CD177: variants seen among roughly 807,000 people sequenced by gnomAD.
CD177 encodes the protein CD177 molecule, also known as CD177 antigen.
Under a neutral mutation model 38.1 loss-of-function variants are expected in CD177, and 41 were observed. The observed-to-expected ratio is 1.07, with a 90% CI of 0.84 to 1.39. CD177 has a LOEUF of 1.39. Among genes scored for constraint, CD177 ranks in the 40% most tolerant of loss-of-function variants. The pLI, the probability that CD177 is intolerant of heterozygous loss-of-function variation, is 0.00. For synonymous variants in CD177, 236 were observed against 216.7 expected, an observed-to-expected ratio of 1.09 and a Z score of -0.78; for missense variants, 619 against 523.8, an observed-to-expected ratio of 1.18 and a Z score of -1.77.
rs576915199 is a variant in CD177 at position 43,361,460 on chromosome 19, G to A, written c.962G>A (p.Gly321Glu). The A allele has an allele frequency of 7.1e-5, 113 of 1,584,142 alleles. 2 individuals carry two copies. The Admixed American group carries it at 8.9e-4, about 12-fold the overall frequency. The change falls in exon 8 of 9, where the codon GGA (glycine) becomes GAA (glutamate). Residue 321 changes from glycine (G) to glutamate (E), a missense_variant. Coordinates refer to ENST00000618265, the MANE Select transcript of CD177 (RefSeq NM_020406.4). The part of the protein sequence containing the change: ...SLPPQAAPVP[G>E]DRQCPTCVQP... ...TGCTCCCCAGCTGCCCCTGTCCCAG[G>A]AGACCGGCAGTGTCCTACCTGTGTG...
rs1256847445 is a variant in CD177 at position 43,354,391 on chromosome 19, AGGTGCCTGCGGGAG to A, written c.379+3_379+16del. On this transcript the variant is annotated splice_donor_variant and splice_donor_5th_base_variant and coding_sequence_variant and intron_variant, in exon 3 of 9. Coordinates refer to ENST00000618265, the MANE Select transcript of CD177 (RefSeq NM_020406.4). LOFTEE classifies it high-confidence loss of function. ...CGCTTTGGGCCCCACAGCCCCCAGC[AGGTGCCTGCGGGAG>A]GGTCGGGAGGAGAGGGAGGGGCTGC... is the stretch of plus-strand genomic sequence containing the variant. The A allele has an allele frequency of 3.1e-6, 5 of 1,613,808 alleles. No individual in the cohort carries two copies. The highest frequency in any genetic ancestry group is 4.2e-6 in the Non-Finnish European group (5 of 1,179,858).
rs564609079 is a variant in CD177, at chr19:43,354,325, C to T, written c.312C>T (p.Cys104=). ...CCCTGATCTCCTACACCTTCGTGTGCCGCCAGGAGGACTTCTGCAACAACC... is the reference window on the plus strand; with the variant it reads ...CCCTGATCTCCTACACCTTCGTGTGTCGCCAGGAGGACTTCTGCAACAACC... The part of the protein sequence containing the change: ...GLSLISYTFV[C]RQEDFCNNLV... Residue 104 remains cysteine, a synonymous_variant, in exon 3 of 9, where the codon TGC becomes TGT. Transcript: ENST00000618265. The T allele has an allele frequency of 1.8e-4, 287 of 1,613,950 alleles. 1 individual carries two copies. The highest frequency in any genetic ancestry group is 7.7e-4 in the South Asian group (70 of 91,078).
At chr19:43,361,879 CTGGGTCTGAGGTAGGAGGGACT>C (rs1969973426) in intron 8 of CD177, among the ~76,000 whole-genome samples, 187 bp from the exon 9 acceptor site, 1 of 130,068 alleles carries the variant, frequency 7.7e-6, no homozygotes, top group Non-Finnish European at 1.6e-5. Flanking sequence ...CTCTGGACTC[CTGGGTCTGAGGTAGGAGGGACT>C]GGGGGCCTGG....
In CD177 at chr19:43,361,275, TGTGCAATA is replaced by T. The variant is rs1969959197; in HGVS notation, c.898_905del (p.Asn300GlnfsTer51). On this transcript the variant is annotated frameshift_variant, in exon 7 of 9. Coordinates refer to ENST00000618265, the MANE Select transcript of CD177 (RefSeq NM_020406.4). LOFTEE classifies it high-confidence loss of function. ...TATACCCACTTCTGCTCCTCGGACC[TGTGCAATA>T]GTGCCAGCAGCAGCAGCGTTCTGCT... 1 of 1,547,738 alleles carries T rather than the reference TGTGCAATA, an allele frequency of 6.5e-7. No individual in the cohort carries two copies. The highest frequency in any genetic ancestry group is 1.7e-5 in the Admixed American group (1 of 58,182).
Position 43,362,078 on chromosome 19 carries a change from C to G in CD177, c.1082-10C>G. On this transcript the variant is annotated splice_polypyrimidine_tract_variant and intron_variant, in intron 8 of 8. Coordinates refer to ENST00000618265, the MANE Select transcript of CD177 (RefSeq NM_020406.4). ...TCTGTGTCCTTTCTGACTTGGTCTTCTCCCTCTAGGTGGGCTGTCCACCAA... is the reference window on the plus strand; with the variant it reads ...TCTGTGTCCTTTCTGACTTGGTCTTGTCCCTCTAGGTGGGCTGTCCACCAA... The G allele has an allele frequency of 1.2e-6, 2 of 1,612,296 alleles. No homozygotes were observed. Among genetic ancestry groups the G allele is most frequent in the Non-Finnish European group, 1.7e-6 (2 of 1,178,620 alleles).
chr19:43,360,211 G>T (rs1271044181), intron 5 of CD177, 54 bp from the exon 6 acceptor site: 3 of 1,592,724 alleles, frequency 1.9e-6, no homozygotes, highest in Non-Finnish European at 2.6e-6. Flanking sequence ...GGACGTGGAG[G>T]GACAGACATG....
intron 8 of CD177, 89 bp from the exon 9 acceptor site, chr19:43,361,999 G>A: frequency 8.9e-7 from 1 of 1,129,906 alleles, no homozygotes; most frequent in South Asian, 1.4e-5. Context: ...CTCGGTCTGA[G>A]GGAGGAGGGT....
intron 8 of CD177, 31 bp from the exon 9 acceptor site, chr19:43,362,057 T>C (rs1315881329): frequency 6.3e-7 from 1 of 1,594,670 alleles, no homozygotes; most frequent in East Asian, 2.2e-5. Context: ...CTGTACTCTG[T>C]GTCCTTTCTG....
At chr19:43,354,496 C>G in intron 3 of CD177, 104 bp downstream of exon 3, 4 of 1,229,708 alleles carry the variant, frequency 3.3e-6, no homozygotes, top group Non-Finnish European at 4.6e-6. Context: ...CTCGCTATCC[C>G]GACCCTCGCT....
chr19:43,354,439 G>GATCC, intron 3 of CD177, 47 bp downstream of exon 3: 1 of 1,594,410 alleles, frequency 6.3e-7, no homozygotes, highest in East Asian at 2.2e-5. Flanking sequence ...GCTAGAAGGG[G>GATCC]ATCCGCTGAG....
At chr19:43,360,427 A>T in intron 6 of CD177, 22 bp downstream of exon 6, 7 of 1,570,944 alleles carry the variant, frequency 4.5e-6, no homozygotes, top group Non-Finnish European at 5.2e-6. Context: ...GAGGTAGAAG[A>T]CGAACACCTG....
downstream of CD177, among the ~76,000 whole-genome samples, chr19:43,364,128 TC>T (rs1970010214): frequency 6.6e-6 from 1 of 152,108 alleles, no homozygotes. Flanking sequence ...GACACACAAT[TC>T]CAGTCCTTCC....
chr19:43,361,552 T>C lies in CD177; in HGVS notation c.1054T>C (p.Tyr352His). The C allele has an allele frequency of 1.3e-6, 2 of 1,578,978 alleles. No individual in the cohort carries two copies. The highest frequency in any genetic ancestry group is 2.3e-5 in the South Asian group (2 of 86,434). The change falls in exon 8 of 9, where the codon TAT becomes CAT. Residue 352 changes from tyrosine (Y) to histidine (H), a missense_variant. Physicochemically the swap from Tyr to His is moderately conservative, Grantham distance 83. Coordinates refer to ENST00000618265, the MANE Select transcript of CD177 (RefSeq NM_020406.4). ...MTCPRGATHC[Y>H]DGYIHLSGGG... The stretch of plus-strand genomic sequence containing the variant: ...CTGCCCCAGGGGCGCCACTCATTGT[T>C]ATGATGGGTACATTCATCTCTCAGG...
rs1208389890 is a variant in CD177, at chr19:43,353,947, C to T, written c.147C>T (p.Cys49=). 2 of 1,613,772 alleles carry T rather than the reference C, an allele frequency of 1.2e-6. No homozygotes were observed. The highest frequency in any genetic ancestry group is 1.3e-5 in the African/African-American group (1 of 74,888). Residue 49 remains cysteine (C), a synonymous_variant, in exon 2 of 9, where the codon TGC becomes TGT. Coordinates refer to ENST00000618265, the MANE Select transcript of CD177 (RefSeq NM_020406.4). The part of the protein sequence containing the change: ...PRQWTPKNTS[C]DSGLGCQDTL... ...AATGGACCCCTAAGAACACCAGCTGCGACAGCGGCTTGGGGTGCCAGGACA... is the reference window on the plus strand; with the variant it reads ...AATGGACCCCTAAGAACACCAGCTGTGACAGCGGCTTGGGGTGCCAGGACA...
chr19:43,353,993 G>A lies in CD177; in HGVS notation c.193G>A (p.Gly65Arg), dbSNP rs751964781. 21 of 1,613,358 alleles carry A rather than the reference G, an allele frequency of 1.3e-5. No individual in the cohort carries two copies. In the Admixed American group the frequency reaches 3.2e-4, roughly 24 times the overall value. ...GGACACGTTGATGCTCATTGAGAGC[G>A]GTGAGAAGGCCCTGGCGTGCAGAGA... Reference protein sequence around the residue: ...CQDTLMLIESGPQVSLVLSKG... With the variant: ...CQDTLMLIESRPQVSLVLSKG... Residue 65 changes from glycine to arginine, a missense_variant and splice_region_variant, in exon 2 of 9, where the codon GGA becomes AGA. Transcript: ENST00000618265.
At chr19:43,361,874 G>A (rs58214458) in intron 8 of CD177, among the ~76,000 whole-genome samples, 1,642 of 145,240 alleles carry the variant, frequency 0.011, 42 homozygotes, top group African/African-American at 0.04. Context: ...TGAGGCTCTG[G>A]ACTCCTGGGT....
rs753236431 is a variant in CD177 at position 43,354,219 on chromosome 19, G to A, written c.206G>A (p.Ser69Asn). The A allele has an allele frequency of 9.9e-6, 16 of 1,613,090 alleles. No individual in the cohort carries two copies. In the Admixed American group the frequency reaches 1.7e-4, roughly 17 times the overall value. The change falls in exon 3 of 9, where the codon AGC (serine) becomes AAC (asparagine). Residue 69 changes from serine to asparagine, a missense_variant. Ser to Asn is a conservative substitution (Grantham distance 46, BLOSUM62 1). Transcript: ENST00000618265. ...LMLIESGPQVSLVLSKGCTEA... is the reference protein window; with the variant it reads ...LMLIESGPQVNLVLSKGCTEA... ...TCTTTCGGTCCAGGACCCCAAGTGA[G>A]CCTGGTGCTCTCCAAGGGCTGCACG...
chr19:43,355,721 CA>C lies in CD177; in HGVS notation c.441del (p.Glu148LysfsTer27). On this transcript the variant is annotated frameshift_variant, in exon 4 of 9. Coordinates refer to ENST00000618265, the MANE Select transcript of CD177 (RefSeq NM_020406.4). LOFTEE classifies it high-confidence loss of function. ...ATGGAAGGCTGTCTGGAGGGGACAA[CA>C]GAAGAGATCTGCCCCAAGGGGACCA... ...LSMEGCLEGT[T>X]EEICPKGTTH... is the part of the protein sequence containing the mutation. 6.2e-7 allele frequency: 1 copy of C among 1,612,948 alleles called. No individual in the cohort carries two copies. The highest frequency in any genetic ancestry group is 8.5e-7 in the Non-Finnish European group (1 of 1,179,290).
intron 8 of CD177, 72 bp from the exon 9 acceptor site, chr19:43,362,016 C>A: frequency 1.5e-6 from 2 of 1,315,506 alleles, no homozygotes; most frequent in South Asian, 1.3e-5. Context: ...GGGTCTGGGG[C>A]CTGGACTCCT....
Sources: gnomAD v4.1 joint callset for allele counts (sites outside exome capture counted in the v4.1 genomes callset) on GRCh38, gnomAD v4.1.1 for gene constraint, MANE v1.5 for transcripts, NCBI Gene and HGNC (gene_info 2026-07-23, HGNC 2026-07-21) for gene names.